Variants in SLC2A1 observed in about 807,000 individuals in gnomAD.
SLC2A1 encodes solute carrier family 2 member 1.
SLC2A1 carries 4 observed loss-of-function variants against 46.6 expected under a neutral mutation model. That is an observed-to-expected ratio of 0.09 (90% CI 0.04 to 0.20). The LOEUF is 0.20. SLC2A1 is among the 10% of genes least tolerant of loss of function. SLC2A1 has a pLI of 1.00. For synonymous variants in SLC2A1, 253 were observed against 270.0 expected (o/e 0.94, Z 0.62); for missense variants, 352 against 667.0 (o/e 0.53, Z 5.20).
At chr1:42,942,271 G>A (rs1252211754) in intron 2 of SLC2A1, among the ~76,000 whole-genome samples, 2 of 152,194 alleles carry the variant, frequency 1.3e-5, no homozygotes, top group African/African-American at 4.8e-5. Context: ...GTGACCTTGG[G>A]CCTGTCGGCC....
At position 42,930,518 on chromosome 1, in the gene SLC2A1, G is replaced by T. The variant is rs1204870125; in HGVS notation, c.516+108C>A. ...TACCATAGTTGTCCTCTGCAAGGCT[G>T]TGGGGGCTGGGCGGAAGAGAAACTC... On this transcript the variant is annotated intron_variant, in intron 4 of 9. Transcript: ENST00000426263. This position sits in a 1 kb window ranked among gnomAD's most constrained non-coding sequence, Gnocchi z 6.2. 1.4e-6 allele frequency: 2 copies of T among 1,477,024 alleles called. No individual in the cohort carries two copies. Among genetic ancestry groups the T allele is most frequent in the Non-Finnish European group, 1.9e-6 (2 of 1,074,078 alleles). 91.5% of individuals were successfully genotyped at this position (1,477,024 alleles called of 1,614,324 possible).
chr1:42,950,970 C>T (rs563522019), intron 1 of SLC2A1, among the ~76,000 whole-genome samples: 53 of 152,020 alleles, frequency 3.5e-4, no homozygotes, highest in Non-Finnish European at 6.8e-4. Flanking sequence ...AGTGAAACTC[C>T]GTCTCAAAAA....
chr1:42,956,407 CAAAAAAAA>C (rs71577684), intron 1 of SLC2A1, among the ~76,000 whole-genome samples: 9 of 44,536 alleles, frequency 2.0e-4, no homozygotes, highest in East Asian at 6.8e-4. Context: ...ACTAAAACTA[CAAAAAAAA>C]AAAAAAAAAA....
intron 1 of SLC2A1, among the ~76,000 whole-genome samples, chr1:42,955,420 G>A (rs1309925674): frequency 6.6e-6 from 1 of 152,124 alleles, no homozygotes; most frequent in Non-Finnish European, 1.5e-5. Context: ...ACCAGCCTGG[G>A]CAACATGGCG....
chr1:42,950,837 G>C (rs183724943), intron 1 of SLC2A1, among the ~76,000 whole-genome samples: 14 of 152,064 alleles, frequency 9.2e-5, no homozygotes, highest in Non-Finnish European at 1.6e-4. Flanking sequence ...AGCTGGGCGT[G>C]GGGGGCGCGC....
chr1:42,955,381 G>C (rs138880763), intron 1 of SLC2A1, among the ~76,000 whole-genome samples: 50 of 152,278 alleles, frequency 3.3e-4, no homozygotes, highest in African/African-American at 1.1e-3. Context: ...GGCTGAAGTG[G>C]GCGGATCACC....
chr1:42,939,339 C>A (rs1377103573), intron 2 of SLC2A1, among the ~76,000 whole-genome samples: 1 of 152,248 alleles, frequency 6.6e-6, no homozygotes, highest in African/African-American at 2.4e-5. Flanking sequence ...AGTCAACAGA[C>A]CAAGTGTCTG....
chr1:42,927,901 G>T lies in SLC2A1; in HGVS notation c.1075-93C>A. 1 of 983,972 alleles carries T rather than the reference G, an allele frequency of 1.0e-6. No individual in the cohort carries two copies. The highest frequency in any genetic ancestry group is 1.6e-6 in the Non-Finnish European group (1 of 637,908). 61.0% of individuals were successfully genotyped at this position (983,972 alleles called of 1,614,324 possible). Reference sequence around the variant, plus strand: ...GCTACAGAGGCCAGAGCAGAGCTATGCGAGAAGGCAGGAAGCCTGGGGATG... The same window carrying T: ...GCTACAGAGGCCAGAGCAGAGCTATTCGAGAAGGCAGGAAGCCTGGGGATG... On this transcript the variant is annotated intron_variant, in intron 8 of 9. Transcript: ENST00000426263. The surrounding 1 kb of genome is among the most constrained non-coding windows in gnomAD (Gnocchi z 5.3).
At chr1:42,941,864 G>C (rs769132058) in intron 2 of SLC2A1, among the ~76,000 whole-genome samples, 1 of 152,230 alleles carries the variant, frequency 6.6e-6, no homozygotes, top group African/African-American at 2.4e-5. Context: ...CCAAGCATGG[G>C]CCCACGGTCT....
chr1:42,950,711 G>A (rs768572158), intron 1 of SLC2A1, among the ~76,000 whole-genome samples: 2 of 152,190 alleles, frequency 1.3e-5, no homozygotes, highest in Non-Finnish European at 2.9e-5. Flanking sequence ...GGTGGCTCAC[G>A]CCTGTAATTC....
intron 2 of SLC2A1, 132 bp downstream of exon 2, chr1:42,943,094 G>T: frequency 1.4e-6 from 1 of 717,642 alleles, no homozygotes; most frequent in Non-Finnish European, 2.5e-6. Flanking sequence ...CAGAAAACTG[G>T]CTGGAGAGGC....
intron 2 of SLC2A1, chr1:42,942,897 A>C: frequency 2.6e-6 from 1 of 379,324 alleles, no homozygotes; most frequent in South Asian, 2.3e-5. Context: ...ACGGAAATGC[A>C]GCATTATTGT....
At chr1:42,951,407 G>T (rs758557669) in intron 1 of SLC2A1, among the ~76,000 whole-genome samples, 18 of 152,336 alleles carry the variant, frequency 1.2e-4, no homozygotes, top group South Asian at 2.1e-4. Context: ...CAGGGAGTTA[G>T]TGAACTTGTA....
At chr1:42,928,891 ACT>A (rs772258345) in intron 8 of SLC2A1, 39 bp downstream of exon 8, 1 of 1,568,178 alleles carries the variant, frequency 6.4e-7, no homozygotes, top group Non-Finnish European at 8.8e-7. Flanking sequence ...GCCCAGGCAA[ACT>A]CTCCCGCATC....
At chr1:42,948,654 C>T (rs1335867031) in intron 1 of SLC2A1, among the ~76,000 whole-genome samples, 1 of 152,164 alleles carries the variant, frequency 6.6e-6, no homozygotes, top group African/African-American at 2.4e-5. Context: ...CAAGGCTGGG[C>T]GCGGTGGCTT....
chr1:42,931,238 G>A, intron 2 of SLC2A1, 32 bp from the exon 3 acceptor site: 2 of 1,608,556 alleles, frequency 1.2e-6, no homozygotes, highest in Non-Finnish European at 1.7e-6. Context: ...GGGTGAGCAA[G>A]CCAGGGGCCA....
Position 42,930,475 on chromosome 1 carries a change from G to A in SLC2A1, c.516+151C>T. On this transcript the variant is annotated intron_variant, in intron 4 of 9. Coordinates refer to ENST00000426263, the MANE Select transcript of SLC2A1 (RefSeq NM_006516.4). The surrounding 1 kb of genome is among the most constrained non-coding windows in gnomAD (Gnocchi z 6.2). The stretch of plus-strand genomic sequence containing the variant: ...CTGTCAACTGGGAGGCCATGGTGCT[G>A]TGTTCTCTGGACCTGTGTACCATAG... 9.7e-7 allele frequency: 1 copy of A among 1,028,850 alleles called. No individual in the cohort carries two copies. Among genetic ancestry groups the A allele is most frequent in the Non-Finnish European group, 1.5e-6 (1 of 670,454 alleles). The allele number at this position is 1,028,850 out of a possible 1,614,324, so 63.7% of individuals were successfully genotyped here.
At chr1:42,934,325 A>G (rs11799736) in intron 2 of SLC2A1, among the ~76,000 whole-genome samples, 5,725 of 152,240 alleles carry the variant, frequency 0.038, 257 homozygotes, top group African/African-American at 0.1. Flanking sequence ...AGCTCTCTGC[A>G]TGTTCACCTT....
chr1:42,943,908 T>C (rs1300886342), intron 1 of SLC2A1, among the ~76,000 whole-genome samples: 2 of 152,160 alleles, frequency 1.3e-5, no homozygotes, highest in Admixed American at 6.5e-5. Flanking sequence ...ACATTGGAGA[T>C]GTGATCCCAC....
Sources: gnomAD v4.1 joint callset for allele counts (sites outside exome capture counted in the v4.1 genomes callset) on GRCh38, gnomAD v4.1.1 for gene constraint, Gnocchi (gnomAD v3.1) non-coding constraint, MANE v1.5 for transcripts, NCBI Gene and HGNC (gene_info 2026-07-23, HGNC 2026-07-21) for gene names.